SLC52A3: variants seen among roughly 807,000 people sequenced by gnomAD.
SLC52A3 encodes the protein solute carrier family 52, riboflavin transporter, member 3.
In SLC52A3, 20 loss-of-function variants were observed where a neutral mutation model predicts 29.5. The ratio of observed to expected loss-of-function variants is 0.68; its 90% CI spans 0.48 to 0.99. The LOEUF is 0.99. SLC52A3 is among the 50% of genes least tolerant of loss of function. The pLI is 0.00. For synonymous variants in SLC52A3, 301 were observed against 271.0 expected (o/e 1.11, Z -1.09); for missense variants, 548 against 612.9 (o/e 0.89, Z 1.12).
At chr20:772,424 C>T (rs59513850), upstream of SLC52A3, among the ~76,000 whole-genome samples, 1,481 of 152,258 alleles carry the variant, frequency 9.7e-3, 22 homozygotes, top group African/African-American at 0.034. Flanking sequence ...GCTTTTGGAC[C>T]TCGGGGACAC....
Position 761,242 on chromosome 20 carries a change from C to T in SLC52A3, c.1198-4G>A. 2.6e-6 allele frequency: 4 copies of T among 1,545,822 alleles called. No individual in the cohort carries two copies. The highest frequency in any genetic ancestry group is 3.5e-6 in the Non-Finnish European group (4 of 1,144,928). ...TGAAAAGCACCCACGAGGCCACCTG[C>T]GGGGCCGGGAGGGAAGAGGTGCAGA... On this transcript the variant is annotated splice_polypyrimidine_tract_variant and splice_region_variant and intron_variant, in intron 4 of 4. Coordinates refer to ENST00000645534, the MANE Select transcript of SLC52A3 (RefSeq NM_033409.4).
rs2122500565 is a variant in SLC52A3, at chr20:760,132, A to C, written c.*894T>G. 1 of 152,264 alleles carries C rather than the reference A, an allele frequency of 6.6e-6. No homozygotes were observed. The highest frequency in any genetic ancestry group is 2.1e-4 in the South Asian group (1 of 4,818). The allele number at this position is 152,264 out of a possible 1,614,324, so 9.4% of individuals were successfully genotyped here. On this transcript the variant is annotated 3_prime_UTR_variant, in exon 5 of 5. Coordinates refer to ENST00000645534, the MANE Select transcript of SLC52A3 (RefSeq NM_033409.4). The surrounding 1 kb of genome is among the most constrained non-coding windows in gnomAD (Gnocchi z 4.9). ...AAAATGAAAAACAGAAACTAAAACA[A>C]AATAACAATCACCTCTGTTGCCTCC... is the stretch of plus-strand genomic sequence containing the variant.
At chr20:767,604 C>G (rs1186775950) in intron 1 of SLC52A3, among the ~76,000 whole-genome samples, 2 of 152,168 alleles carry the variant, frequency 1.3e-5, no homozygotes, top group African/African-American at 2.4e-5. Flanking sequence ...ATCCACCCTC[C>G]TCAGCCTCCC....
intron 1 of SLC52A3, among the ~76,000 whole-genome samples, chr20:775,031 C>T (rs1042572411): frequency 6.6e-5 from 10 of 152,348 alleles, no homozygotes; most frequent in African/African-American, 2.4e-4. Context: ...TCAGCCTGGC[C>T]AGTAGAAGCG....
At chr20:766,485 A>C (rs560882805) in intron 1 of SLC52A3, among the ~76,000 whole-genome samples, 1 of 152,344 alleles carries the variant, frequency 6.6e-6, no homozygotes, top group African/African-American at 2.4e-5. Flanking sequence ...GAAGTAACTG[A>C]AGAATCACAA....
At chr20:776,957 G>A (rs985230335), upstream of SLC52A3, among the ~76,000 whole-genome samples, 8 of 151,798 alleles carry the variant, frequency 5.3e-5, no homozygotes, top group African/African-American at 9.7e-5. Flanking sequence ...GAAAGATGGC[G>A]GGGCGTGGTG....
At chr20:772,855 G>A (rs1986887947), upstream of SLC52A3, among the ~76,000 whole-genome samples, 2 of 152,318 alleles carry the variant, frequency 1.3e-5, no homozygotes, top group East Asian at 3.9e-4. Context: ...AAGGGAGTGT[G>A]GGAGTGAGCT....
chr20:772,990 C>T (rs575444956), upstream of SLC52A3, among the ~76,000 whole-genome samples: 18 of 152,298 alleles, frequency 1.2e-4, no homozygotes, highest in South Asian at 8.3e-4. Flanking sequence ...CCAGTGTGGC[C>T]GCAGCAGCGG....
chr20:766,770 G>A (rs941955216), intron 1 of SLC52A3, among the ~76,000 whole-genome samples: 3 of 152,192 alleles, frequency 2.0e-5, no homozygotes, highest in Non-Finnish European at 4.4e-5. Flanking sequence ...CTGTTTGATG[G>A]TCTCTTCACA....
chr20:764,101 T>G lies in SLC52A3; in HGVS notation c.568-98A>C, dbSNP rs1024772380. ...ACAGAATACAGATCACCTGTTATTA[T>G]TAATGGATAATGAATAAATAAACAT... On this transcript the variant is annotated intron_variant, in intron 2 of 4. Coordinates refer to ENST00000645534, the MANE Select transcript of SLC52A3 (RefSeq NM_033409.4). 27 of 1,191,662 alleles carry G rather than the reference T, an allele frequency of 2.3e-5. 1 individual carries two copies. In the South Asian group the frequency reaches 4.0e-4, roughly 18 times the overall value. 73.8% of individuals were successfully genotyped at this position (1,191,662 alleles called of 1,614,324 possible).
At chr20:775,478 C>A (rs1599968341) in intron 1 of SLC52A3, among the ~76,000 whole-genome samples, 1 of 152,008 alleles carries the variant, frequency 6.6e-6, no homozygotes, top group East Asian at 1.9e-4. Context: ...GGAGTTTCGC[C>A]ACGTTGCCCA....
rs774918391 is a variant in SLC52A3 at position 763,693 on chromosome 20, G to A, written c.878C>T (p.Ala293Val). 7.4e-6 allele frequency: 12 copies of A among 1,614,142 alleles called. No individual in the cohort carries two copies. In the South Asian group the frequency reaches 7.7e-5, roughly 10 times the overall value. The change falls in exon 3 of 5, where the codon GCC (alanine) becomes GTC (valine). Residue 293 changes from alanine (A) to valine (V), a missense_variant. By Grantham distance (64) the Ala-to-Val change is moderately conservative (BLOSUM62 0). This residue lies in a region of SLC52A3 where 375 missense variants were observed against 471.1 expected (regional missense o/e 0.80). Coordinates refer to ENST00000645534, the MANE Select transcript of SLC52A3 (RefSeq NM_033409.4). ...GGCCAGGTGCGCCGGGCAGCAGGGGGCTGCTTTCTCCTCTAGATACCCCTG... is the reference window on the plus strand; with the variant it reads ...GGCCAGGTGCGCCGGGCAGCAGGGGACTGCTTTCTCCTCTAGATACCCCTG... The part of the protein sequence containing the change: ...QGQGYLEEKA[A>V]PCCPAHLAFI...
Position 765,426 on chromosome 20 carries a change from G to A in SLC52A3, c.349C>T (p.Leu117=). 1 of 1,613,668 alleles carries A rather than the reference G, an allele frequency of 6.2e-7. No individual in the cohort carries two copies. The highest frequency in any genetic ancestry group is 1.1e-5 in the South Asian group (1 of 91,016). Residue 117 remains leucine, a synonymous_variant, in exon 2 of 5, where the codon CTG becomes TTG. Coordinates refer to ENST00000645534, the MANE Select transcript of SLC52A3 (RefSeq NM_033409.4). This position sits in a 1 kb window ranked among gnomAD's most constrained non-coding sequence, Gnocchi z 6.6. The part of the protein sequence containing the change: ...AFLVLTFFLA[L]VDCTSSVTFL... ...GTCACTGAAGAGGTGCAGTCCACCA[G>A]GGCCAGGAAGAAGGTGAGGACCAAG... is the stretch of plus-strand genomic sequence containing the variant.
In SLC52A3 at chr20:765,140, C is replaced by T; in HGVS notation, c.567+68G>A. On this transcript the variant is annotated intron_variant, in intron 2 of 4. Transcript: ENST00000645534. This position sits in a 1 kb window ranked among gnomAD's most constrained non-coding sequence, Gnocchi z 6.6. The stretch of plus-strand genomic sequence containing the variant: ...AAGAACCTAGAAGGATGGAGGTGAG[C>T]AGTTTTTCCCTCCCCTACATTTGTG... 6.4e-7 allele frequency: 1 copy of T among 1,550,886 alleles called. No homozygotes were observed. The highest frequency in any genetic ancestry group is 1.4e-5 in the African/African-American group (1 of 73,814).
Position 760,852 on chromosome 20 carries a change from G to A in SLC52A3, c.*174C>T. On this transcript the variant is annotated 3_prime_UTR_variant, in exon 5 of 5. Transcript: ENST00000645534. This position sits in a 1 kb window ranked among gnomAD's most constrained non-coding sequence, Gnocchi z 4.9. ...GTAGTGTGACACAGAGTTGGGGATAGAGCCGCACCTTGCATTTCCAGGTGC... is the reference window on the plus strand; with the variant it reads ...GTAGTGTGACACAGAGTTGGGGATAAAGCCGCACCTTGCATTTCCAGGTGC... 1 of 652,714 alleles carries A rather than the reference G, an allele frequency of 1.5e-6. No individual in the cohort carries two copies. Among genetic ancestry groups the A allele is most frequent in the East Asian group, 2.7e-5 (1 of 36,528 alleles). 40.4% of individuals were successfully genotyped at this position (652,714 alleles called of 1,614,324 possible). A position where few individuals can be genotyped will look rare whatever the true frequency, so the allele number is the denominator to read the frequency against.
chr20:761,342 T>G, intron 4 of SLC52A3, 104 bp from the exon 5 acceptor site: 508 of 1,245,774 alleles, frequency 4.1e-4, no homozygotes, highest in Middle Eastern at 8.4e-4. Context: ...GAATACTCTC[T>G]AGGTGCGAGG....
chr20:779,178 A>T (rs1051439234), upstream of SLC52A3, among the ~76,000 whole-genome samples: 6 of 152,254 alleles, frequency 3.9e-5, no homozygotes, highest in Admixed American at 3.9e-4. Flanking sequence ...ATAATCTTAT[A>T]TGGTAAATTC....
chr20:779,687 T>C (rs1307151280), upstream of SLC52A3, among the ~76,000 whole-genome samples: 1 of 152,220 alleles, frequency 6.6e-6, no homozygotes, highest in Non-Finnish European at 1.5e-5. Context: ...AACTCTTAAC[T>C]GTACAACTTG....
Position 761,114 on chromosome 20 carries a change from A to C in SLC52A3, c.1322T>G (p.Leu441Arg). Reference sequence around the variant, plus strand: ...AGGGAACATGAGCAGCGCTCCGAGCAGCGAGCCCAGCTGCACCGCCGCCCC... The same window carrying C: ...AGGGAACATGAGCAGCGCTCCGAGCCGCGAGCCCAGCTGCACCGCCGCCCC... ...WCGAAVQLGS[L>R]LGALLMFPLV... The change falls in exon 5 of 5, where the codon CTG (leucine) becomes CGG (arginine). Residue 441 changes from leucine to arginine, a missense_variant. By Grantham distance (102) the Leu-to-Arg change is moderately radical. This residue lies in a region of SLC52A3 where 173 missense variants were observed against 141.8 expected (regional missense o/e 1.22). Coordinates refer to ENST00000645534, the MANE Select transcript of SLC52A3 (RefSeq NM_033409.4). The C allele has an allele frequency of 1.2e-6, 2 of 1,602,604 alleles. No homozygotes were observed. The highest frequency in any genetic ancestry group is 1.7e-6 in the Non-Finnish European group (2 of 1,175,546).
Sources: allele counts gnomAD v4.1 joint callset (sites outside exome capture counted in the v4.1 genomes callset), GRCh38; gene constraint gnomAD v4.1.1; regional missense constraint gnomAD v4.1.1; non-coding constraint Gnocchi (gnomAD v3.1); transcripts MANE v1.5; gene names NCBI Gene and HGNC (gene_info 2026-07-23, HGNC 2026-07-21).